Variants in PPP2R3A observed in about 807,000 individuals in gnomAD.
The protein encoded by PPP2R3A is protein phosphatase 2 regulatory subunit B''alpha.
Under a neutral mutation model 106.9 loss-of-function variants are expected in PPP2R3A, and 80 were observed. The ratio of observed to expected loss-of-function variants is 0.75; its 90% CI spans 0.62 to 0.90. The LOEUF (loss-of-function observed/expected upper bound fraction) is 0.90, where lower values mean the gene tolerates loss of function less well. PPP2R3A is among the 40% of genes least tolerant of loss of function. The pLI, the probability that PPP2R3A is intolerant of heterozygous loss-of-function variation, is 0.00. For synonymous variants in PPP2R3A, 483 were observed against 468.3 expected (o/e 1.03, Z -0.41); for missense variants, 1,386 against 1,350.4 (o/e 1.03, Z -0.41).
At chr3:136,023,070 A>G (rs199956227) in intron 2 of PPP2R3A, 42 of 1,612,908 alleles carry the variant, frequency 2.6e-5, no homozygotes, top group Non-Finnish European at 3.6e-5. Context: ...CTTTTCAAAG[A>G]TGATGATCAA....
At chr3:135,982,582 C>T (rs566910816) in intron 1 of PPP2R3A, among the ~76,000 whole-genome samples, 65 of 152,274 alleles carry the variant, frequency 4.3e-4, no homozygotes, top group African/African-American at 1.5e-3. Context: ...AACAACCTTG[C>T]TGGCTCTCTT....
chr3:136,072,550 G>A (rs1269081014), intron 6 of PPP2R3A, among the ~76,000 whole-genome samples: 4 of 152,172 alleles, frequency 2.6e-5, no homozygotes, highest in Admixed American at 6.5e-5. Context: ...TGAGATTCTT[G>A]CCCCTGCACT....
Position 136,147,436 on chromosome 3 carries a change from C to G in PPP2R3A, c.*2270C>G, listed in dbSNP as rs1295054917. On this transcript the variant is annotated 3_prime_UTR_variant, in exon 14 of 14. Coordinates refer to ENST00000264977, the MANE Select transcript of PPP2R3A (RefSeq NM_002718.5). ...TTAAAATGGGCTATTGTAATTTACC[C>G]ACATTATCACATTTTCAGGAATTAT... 6.6e-6 allele frequency: 1 copy of G among 152,594 alleles called. No individual in the cohort carries two copies. The highest frequency in any genetic ancestry group is 1.9e-4 in the East Asian group (1 of 5,198). 9.5% of individuals were successfully genotyped at this position (152,594 alleles called of 1,614,324 possible).
At chr3:136,103,955 T>C (rs1937448392) in intron 12 of PPP2R3A, among the ~76,000 whole-genome samples, 1 of 152,178 alleles carries the variant, frequency 6.6e-6, no homozygotes, top group Admixed American at 6.6e-5. Flanking sequence ...GAAAACCCTA[T>C]ACATACGATC....
intron 13 of PPP2R3A, among the ~76,000 whole-genome samples, chr3:136,127,831 A>G (rs1394268012): frequency 1.3e-5 from 2 of 152,196 alleles, no homozygotes; most frequent in East Asian, 1.9e-4. Context: ...GAAACACTAC[A>G]AGCCAGAAGA....
chr3:136,070,283 T>C (rs903455221), intron 5 of PPP2R3A, among the ~76,000 whole-genome samples, 195 bp from the exon 6 acceptor site: 5 of 152,226 alleles, frequency 3.3e-5, no homozygotes, highest in African/African-American at 1.2e-4. Flanking sequence ...TTTTGAAGTA[T>C]GCTGTGTATA....
intron 10 of PPP2R3A, among the ~76,000 whole-genome samples, 197 bp from the exon 11 acceptor site, chr3:136,101,810 G>A (rs1451362209): frequency 6.6e-6 from 1 of 152,074 alleles, no homozygotes; most frequent in Admixed American, 6.6e-5. Flanking sequence ...AGCAAAATGG[G>A]GTTGAACACG....
chr3:135,970,945 A>G (rs1421265152), intron 1 of PPP2R3A, among the ~76,000 whole-genome samples: 1 of 152,130 alleles, frequency 6.6e-6, no homozygotes, highest in Non-Finnish European at 1.5e-5. Flanking sequence ...TTCTTTCTCA[A>G]CTGGAAAGCT....
intron 1 of PPP2R3A, among the ~76,000 whole-genome samples, chr3:135,993,012 A>G (rs1184709733): frequency 6.6e-6 from 1 of 152,172 alleles, no homozygotes; most frequent in African/African-American, 2.4e-5. Flanking sequence ...TTGAAAATCC[A>G]TATGACCTTA....
At chr3:136,104,107 A>G (rs1206802962) in intron 12 of PPP2R3A, among the ~76,000 whole-genome samples, 3 of 152,190 alleles carry the variant, frequency 2.0e-5, no homozygotes, top group African/African-American at 7.2e-5. Context: ...TGCATGTTCC[A>G]TAACTGTTTG....
At chr3:136,048,272 G>C (rs1337680465) in intron 4 of PPP2R3A, among the ~76,000 whole-genome samples, 1 of 152,200 alleles carries the variant, frequency 6.6e-6, no homozygotes, top group Non-Finnish European at 1.5e-5. Flanking sequence ...TGCCTGGTGT[G>C]AGAAGGCATG....
At chr3:136,128,877 C>T (rs997782374) in intron 13 of PPP2R3A, among the ~76,000 whole-genome samples, 2 of 152,282 alleles carry the variant, frequency 1.3e-5, no homozygotes, top group East Asian at 3.9e-4. Flanking sequence ...CTCAAAACCG[C>T]TCAACTACAT....
intron 13 of PPP2R3A, among the ~76,000 whole-genome samples, chr3:136,107,193 A>G (rs1937532766): frequency 6.6e-6 from 1 of 152,068 alleles, no homozygotes. Context: ...TAATTCTTCT[A>G]ATTCTTCCTT....
chr3:136,040,089 C>T (rs1357395537), intron 3 of PPP2R3A, among the ~76,000 whole-genome samples: 1 of 152,080 alleles, frequency 6.6e-6, no homozygotes, highest in Admixed American at 6.5e-5. Flanking sequence ...TCTTCTTGAA[C>T]CTGGGACTTA....
chr3:136,014,287 T>C (rs1200900042), intron 2 of PPP2R3A, among the ~76,000 whole-genome samples: 2 of 152,148 alleles, frequency 1.3e-5, no homozygotes, highest in East Asian at 1.9e-4. Context: ...TTAGTCTTGC[T>C]TTGGCTATGT....
chr3:136,120,276 T>TA (rs1937944488), intron 13 of PPP2R3A, among the ~76,000 whole-genome samples: 1 of 151,998 alleles, frequency 6.6e-6, no homozygotes, highest in African/African-American at 2.4e-5. Flanking sequence ...CCCCAGAACT[T>TA]AAAGTATAAT....
chr3:136,125,832 T>C (rs1315155858), intron 13 of PPP2R3A, among the ~76,000 whole-genome samples: 1 of 152,166 alleles, frequency 6.6e-6, no homozygotes, highest in Non-Finnish European at 1.5e-5. Context: ...GGTTGGCTTA[T>C]TCAAAAATCA....
chr3:136,061,034 A>C (rs1014321643), intron 5 of PPP2R3A, among the ~76,000 whole-genome samples: 16 of 152,204 alleles, frequency 1.1e-4, no homozygotes, highest in African/African-American at 3.6e-4. Flanking sequence ...TGTAAAAAAG[A>C]ATAAAAAAAC....
At chr3:136,048,042 T>G (rs1218925673) in intron 4 of PPP2R3A, among the ~76,000 whole-genome samples, 1 of 152,024 alleles carries the variant, frequency 6.6e-6, no homozygotes, top group African/African-American at 2.4e-5. Flanking sequence ...ACTCCAGACC[T>G]CTACATCACT....
Sources: allele counts gnomAD v4.1 joint callset (sites outside exome capture counted in the v4.1 genomes callset), GRCh38; gene constraint gnomAD v4.1.1; transcripts MANE v1.5; gene names NCBI Gene and HGNC (gene_info 2026-07-23, HGNC 2026-07-21).